MANF: variants seen among roughly 807,000 people sequenced by gnomAD.
MANF encodes mesencephalic astrocyte derived neurotrophic factor.
A neutral mutation model predicts 19.1 loss-of-function variants in MANF; 9 were observed. The ratio of observed to expected loss-of-function variants is 0.47; its 90% CI spans 0.28 to 0.82. The LOEUF (loss-of-function observed/expected upper bound fraction) is 0.82, where lower values mean the gene tolerates loss of function less well. Among genes scored for constraint, MANF ranks in the 40% least tolerant of loss-of-function variants. The pLI is 0.10. For synonymous variants in MANF, 89 were observed against 88.0 expected, an observed-to-expected ratio of 1.01 and a Z score of -0.06; for missense variants, 225 against 226.7, an observed-to-expected ratio of 0.99 and a Z score of 0.05.
intron 1 of MANF, 174 bp downstream of exon 1, chr3:51,385,610 ATCTT>A (rs1553620773): frequency 2.6e-6 from 1 of 390,436 alleles, no homozygotes; most frequent in Non-Finnish European, 4.5e-6. Context: ...GCCCTAGTAA[ATCTT>A]TCTTGGGCCT....
chr3:51,389,136 G>C lies in MANF; in HGVS notation c.*47G>C. The C allele has an allele frequency of 6.5e-7, 1 of 1,543,188 alleles. No homozygotes were observed. The highest frequency in any genetic ancestry group is 1.4e-5 in the African/African-American group (1 of 72,584). On this transcript the variant is annotated 3_prime_UTR_variant, in exon 4 of 4. Coordinates refer to ENST00000528157, the MANE Select transcript of MANF (RefSeq NM_006010.6). ...CTGAGGGGGAAAAAACAGTTCAACT[G>C]CTTACTCCCAAAACAGCCTTTTTGT...
rs1553621060 is a variant in MANF at position 51,387,843 on chromosome 3, A to G, written c.329A>G (p.Lys110Arg). The change falls in exon 3 of 4, where the codon AAG becomes AGG. Residue 110 changes from lysine to arginine, a missense_variant. Physicochemically the swap from Lys to Arg is conservative, Grantham distance 26. Transcript: ENST00000528157. ...IPVEKICEKL[K>R]KKDSQICELK... ...GTGGAGAAGATCTGTGAGAAGCTTA[A>G]GAAGAAGGACAGCCAGATATGTGAG... The G allele has an allele frequency of 1.2e-6, 2 of 1,613,856 alleles. No homozygotes were observed. The highest frequency in any genetic ancestry group is 2.2e-5 in the South Asian group (2 of 91,040).
chr3:51,388,797 G>A lies in MANF; in HGVS notation c.365-108G>A, dbSNP rs1284217180. On this transcript the variant is annotated intron_variant, in intron 3 of 3. Transcript: ENST00000528157. ...TGTGTCTGGAAATGTCTCTTCCTCTGAAACCAGTAGGGCTGGTTTGGCCGT... is the reference window on the plus strand; with the variant it reads ...TGTGTCTGGAAATGTCTCTTCCTCTAAAACCAGTAGGGCTGGTTTGGCCGT... The A allele has an allele frequency of 5.3e-6, 4 of 759,902 alleles. No individual in the cohort carries two copies. In the Admixed American group the frequency reaches 1.2e-4, roughly 24 times the overall value. 47.1% of individuals were successfully genotyped at this position (759,902 alleles called of 1,614,324 possible).
At position 51,387,872 on chromosome 3, in the gene MANF, A is replaced by C. The variant is rs2106637477; in HGVS notation, c.358A>C (p.Lys120Gln). Residue 120 changes from lysine (K) to glutamine (Q), a missense_variant, in exon 3 of 4, where the codon AAG becomes CAG. Lys to Gln is a moderately conservative substitution (Grantham distance 53). Transcript: ENST00000528157. Reference sequence around the variant, plus strand: ...GAAGGACAGCCAGATATGTGAGCTTAAGTATGGTGAGTATGCCTAGTCCTT... The same window carrying C: ...GAAGGACAGCCAGATATGTGAGCTTCAGTATGGTGAGTATGCCTAGTCCTT... ...KKKDSQICEL[K>Q]YDKQIDLSTV... is the part of the protein sequence containing the mutation. 6.2e-7 allele frequency: 1 copy of C among 1,613,640 alleles called. No homozygotes were observed. The highest frequency in any genetic ancestry group is 1.3e-5 in the African/African-American group (1 of 75,054).
At chr3:51,388,060 G>A (rs1410103705) in intron 3 of MANF, among the ~76,000 whole-genome samples, 182 bp downstream of exon 3, 1 of 152,192 alleles carries the variant, frequency 6.6e-6, no homozygotes, top group African/African-American at 2.4e-5. Context: ...TATTGAAGAA[G>A]TGATATTTCA....
rs2088993517 is a variant in MANF at position 51,389,019 on chromosome 3, A to G, written c.479A>G (p.Tyr160Cys). Residue 160 changes from tyrosine (Y) to cysteine (C), a missense_variant, in exon 4 of 4, where the codon TAC becomes TGC. By Grantham distance (194) the Tyr-to-Cys change is radical. Transcript: ENST00000528157. ...TCKGCAEKSD[Y>C]IRKINELMPK... ...AAAGGCTGTGCAGAAAAGTCTGACT[A>G]CATCCGGAAGATAAATGAACTGATG... 1 of 1,612,142 alleles carries G rather than the reference A, an allele frequency of 6.2e-7. No homozygotes were observed. Among genetic ancestry groups the G allele is most frequent in the Non-Finnish European group, 8.5e-7 (1 of 1,179,076 alleles).
rs188056677 is a variant in MANF at position 51,386,440 on chromosome 3, A to G, written c.222+105A>G. 286 of 1,261,804 alleles carry G rather than the reference A, an allele frequency of 2.3e-4. 1 individual carries two copies. The African/African-American group carries it at 4.1e-3, about 18-fold the overall frequency. 78.2% of individuals were successfully genotyped at this position (1,261,804 alleles called of 1,614,324 possible). A position where few individuals can be genotyped will look rare whatever the true frequency, so the allele number is the denominator to read the frequency against. The stretch of plus-strand genomic sequence containing the variant: ...TGCCCACCTCTCTGTTCAGGAAGCC[A>G]GCTACTCTCTCCATAAACTAATGTG... On this transcript the variant is annotated intron_variant, in intron 2 of 3. Coordinates refer to ENST00000528157, the MANE Select transcript of MANF (RefSeq NM_006010.6).
rs1553621151 is a variant in MANF, at chr3:51,388,915, C to A, written c.375C>A (p.Ile125=). Residue 125 remains isoleucine (I), a synonymous_variant, in exon 4 of 4, where the codon ATC becomes ATA. Transcript: ENST00000528157. The stretch of plus-strand genomic sequence containing the variant: ...TGCTCTCTCCTCCAGACAAGCAGAT[C>A]GACCTGAGCACAGTGGACCTGAAGA... ...QICELKYDKQ[I]DLSTVDLKKL... is the part of the protein sequence containing the mutation. 3 of 1,570,508 alleles carry A rather than the reference C, an allele frequency of 1.9e-6. No homozygotes were observed. Among genetic ancestry groups the A allele is most frequent in the Non-Finnish European group, 2.6e-6 (3 of 1,158,310 alleles).
intron 1 of MANF, 157 bp downstream of exon 1, chr3:51,385,593 G>C (rs1377303638): frequency 2.5e-6 from 1 of 406,546 alleles, no homozygotes; most frequent in African/African-American, 2.1e-5. Context: ...AGGAGGCTCC[G>C]GCGCCCGCCC....
In MANF at chr3:51,389,274, T is replaced by C. The variant is rs2088997598; in HGVS notation, c.*185T>C. 1.8e-6 allele frequency: 1 copy of C among 559,888 alleles called. No homozygotes were observed. Among genetic ancestry groups the C allele is most frequent in the Non-Finnish European group, 3.1e-6 (1 of 326,910 alleles). 34.7% of individuals were successfully genotyped at this position (559,888 alleles called of 1,614,324 possible). A position where few individuals can be genotyped will look rare whatever the true frequency, so the allele number is the denominator to read the frequency against. ...CATGAGGGGATTCCCTTCCTTCTGT[T>C]GCTGGTGTACTCTAGGACTTCAAAG... On this transcript the variant is annotated 3_prime_UTR_variant, in exon 4 of 4. Coordinates refer to ENST00000528157, the MANE Select transcript of MANF (RefSeq NM_006010.6).
Position 51,386,197 on chromosome 3 carries a change from C to T in MANF, c.95-11C>T, listed in dbSNP as rs1553620872. The T allele has an allele frequency of 6.2e-7, 1 of 1,612,902 alleles. No homozygotes were observed. Among genetic ancestry groups the T allele is most frequent in the Non-Finnish European group, 8.5e-7 (1 of 1,179,426 alleles). On this transcript the variant is annotated splice_polypyrimidine_tract_variant and intron_variant, in intron 1 of 3. Coordinates refer to ENST00000528157, the MANE Select transcript of MANF (RefSeq NM_006010.6). ...TGATTGCTGAGCATCTCCCGTCCCT[C>T]TCTTTTCCAGTTTGTATTTCTTATC...
Position 51,386,347 on chromosome 3 carries a change from G to A in MANF, c.222+12G>A, listed in dbSNP as rs1553620915. The A allele has an allele frequency of 3.1e-6, 5 of 1,613,848 alleles. No individual in the cohort carries two copies. The highest frequency in any genetic ancestry group is 1.1e-5 in the South Asian group (1 of 91,072). ...AAGAGAATCGGTTGGTAAGTAGCTGGTGATCCTCCCCAACTGGCCCTGGCT... is the reference window on the plus strand; with the variant it reads ...AAGAGAATCGGTTGGTAAGTAGCTGATGATCCTCCCCAACTGGCCCTGGCT... On this transcript the variant is annotated intron_variant, in intron 2 of 3. Transcript: ENST00000528157.
chr3:51,389,102 CTG>C lies in MANF; in HGVS notation c.*15_*16del. The C allele has an allele frequency of 1.2e-6, 2 of 1,604,488 alleles. No individual in the cohort carries two copies. The highest frequency in any genetic ancestry group is 1.7e-6 in the Non-Finnish European group (2 of 1,176,364). ...GACCGATTTGTAGTCTGCTCAATCTCTGTTGCACCTGAGGGGGAAAAAACAGT... is the reference window on the plus strand; with the variant it reads ...GACCGATTTGTAGTCTGCTCAATCTCTTGCACCTGAGGGGGAAAAAACAGT... On this transcript the variant is annotated 3_prime_UTR_variant, in exon 4 of 4. Coordinates refer to ENST00000528157, the MANE Select transcript of MANF (RefSeq NM_006010.6).
At position 51,389,228 on chromosome 3, in the gene MANF, A is replaced by G. The variant is rs2088997211; in HGVS notation, c.*139A>G. On this transcript the variant is annotated 3_prime_UTR_variant, in exon 4 of 4. Coordinates refer to ENST00000528157, the MANE Select transcript of MANF (RefSeq NM_006010.6). ...TGTGAAGCCTGGAGCTTTCCTGATG[A>G]TGCTGGCCCTACAGTACCCCCATGA... 4.2e-6 allele frequency: 3 copies of G among 707,356 alleles called. No individual in the cohort carries two copies. Among genetic ancestry groups the G allele is most frequent in the Non-Finnish European group, 6.9e-6 (3 of 434,234 alleles). 43.8% of individuals were successfully genotyped at this position (707,356 alleles called of 1,614,324 possible).
chr3:51,386,253 G>C lies in MANF; in HGVS notation c.140G>C (p.Arg47Thr). 4 of 1,613,820 alleles carry C rather than the reference G, an allele frequency of 2.5e-6. No homozygotes were observed. The highest frequency in any genetic ancestry group is 3.4e-6 in the Non-Finnish European group (4 of 1,179,784). ...LGRFYQDLKD[R>T]DVTFSPATIE... is the part of the protein sequence containing the mutation. Reference sequence around the variant, plus strand: ...AGATTTTACCAGGACCTCAAAGACAGAGATGTCACATTCTCACCAGCCACT... The same window carrying C: ...AGATTTTACCAGGACCTCAAAGACACAGATGTCACATTCTCACCAGCCACT... Residue 47 changes from arginine to threonine, a missense_variant, in exon 2 of 4, where the codon AGA (arginine) becomes ACA (threonine). Coordinates refer to ENST00000528157, the MANE Select transcript of MANF (RefSeq NM_006010.6).
intron 2 of MANF, chr3:51,387,072 T>G (rs1223654168): frequency 5.2e-6 from 2 of 384,848 alleles, no homozygotes; most frequent in Non-Finnish European, 1.0e-5. Flanking sequence ...CCTGTCTTCC[T>G]AGCACTTTGG....
chr3:51,385,294 C>G lies in MANF; in HGVS notation c.-49C>G, dbSNP rs927461160. 4 of 1,167,900 alleles carry G rather than the reference C, an allele frequency of 3.4e-6. No individual in the cohort carries two copies. The highest frequency in any genetic ancestry group is 4.2e-5 in the South Asian group (1 of 23,696). 72.3% of individuals were successfully genotyped at this position (1,167,900 alleles called of 1,614,324 possible). On this transcript the variant is annotated 5_prime_UTR_variant, in exon 1 of 4. Coordinates refer to ENST00000528157, the MANE Select transcript of MANF (RefSeq NM_006010.6). ...TGCGGCGCGGCGGGTGCGGTTCAGT[C>G]GGTCGGCGGCGGCAGCGGAGGAGGA...
At chr3:51,385,588 G>A (rs1310098132) in intron 1 of MANF, 152 bp downstream of exon 1, 1 of 418,502 alleles carries the variant, frequency 2.4e-6, no homozygotes, top group East Asian at 3.7e-5. Flanking sequence ...GCATGAGGAG[G>A]CTCCGGCGCC....
intron 3 of MANF, among the ~76,000 whole-genome samples, 157 bp downstream of exon 3, chr3:51,388,035 G>A (rs2088979338): frequency 6.6e-6 from 1 of 152,156 alleles, no homozygotes; most frequent in Admixed American, 6.5e-5. Flanking sequence ...AGTGGGTGGA[G>A]GTCAGAATAG....
Sources: allele counts gnomAD v4.1 joint callset (sites outside exome capture counted in the v4.1 genomes callset), GRCh38; gene constraint gnomAD v4.1.1; transcripts MANE v1.5; gene names NCBI Gene and HGNC (gene_info 2026-07-23, HGNC 2026-07-21).